The following MAMLD1 variants were observed in gnomAD, a reference collection of about 807,000 sequenced individuals.
MAMLD1 encodes mastermind-like domain-containing protein 1.
Under a neutral mutation model 45.0 loss-of-function variants are expected in MAMLD1, and 14 were observed. The observed-to-expected ratio is 0.31, with a 90% CI of 0.21 to 0.49. The LOEUF is 0.49. MAMLD1 is among the 20% of genes least tolerant of loss of function. The pLI, the probability that MAMLD1 is intolerant of heterozygous loss-of-function variation, is 0.99. For synonymous variants in MAMLD1, 254 were observed against 247.8 expected, an observed-to-expected ratio of 1.02 and a Z score of -0.24; for missense variants, 543 against 603.6, an observed-to-expected ratio of 0.90 and a Z score of 1.05.
intron 1 of MAMLD1, among the ~76,000 whole-genome samples, chrX:150,418,313 T>G (rs1370203668): frequency 5.4e-5 from 6 of 111,175 alleles, no homozygotes. Flanking sequence ...ATTGCGTCTA[T>G]TTGATTCTTC....
In MAMLD1 at chrX:150,408,967, A is replaced by T. The variant is rs1557402746; in HGVS notation, c.-63-36487A>T. On this transcript the variant is annotated intron_variant, in intron 1 of 7. Coordinates refer to ENST00000370401, the MANE Select transcript of MAMLD1 (RefSeq NM_005491.5). ...AAAACTTAAAGCTATGAAGATGTGG[A>T]ATCTGGCGGAGAAGAATGGCTATAG... Among the ~76,000 whole-genome samples the T allele has an allele frequency of 2.6e-3, 290 of 111,857 alleles. 3 individuals are homozygous for T. Among genetic ancestry groups the T allele is most frequent in the African/African-American group, 9.1e-3 (281 of 30,784 alleles).
At chrX:150,504,602 G>A (rs1253933536) in intron 6 of MAMLD1, 23 of 535,379 alleles carry the variant, frequency 4.3e-5, no homozygotes, top group Non-Finnish European at 5.2e-5. Context: ...TTAGCAAAAC[G>A]GACGTCGTCC....
At chrX:150,369,654 C>T (rs1459803403) in intron 1 of MAMLD1, among the ~76,000 whole-genome samples, 2 of 111,951 alleles carry the variant, frequency 1.8e-5, no homozygotes, top group African/African-American at 3.3e-5. Context: ...ATACAGATAA[C>T]GGGATCTAAA....
At chrX:150,375,591 G>C (rs2032273622) in intron 1 of MAMLD1, among the ~76,000 whole-genome samples, 1 of 112,728 alleles carries the variant, frequency 8.9e-6, no homozygotes, top group African/African-American at 3.2e-5. Context: ...TTTAGAAAGA[G>C]AGAACTGTTT....
chrX:150,436,464 G>A (rs1557404290), intron 1 of MAMLD1, among the ~76,000 whole-genome samples: 1 of 111,705 alleles, frequency 9.0e-6, no homozygotes, highest in African/African-American at 3.3e-5. Context: ...ATTTCAAAGA[G>A]CCAGTCTTCA....
intron 1 of MAMLD1, among the ~76,000 whole-genome samples, chrX:150,373,466 TCACA>T (rs368567940): frequency 0.017 from 1,740 of 103,002 alleles, 41 homozygotes; most frequent in African/African-American, 0.057. Flanking sequence ...TCTCTCTCTC[TCACA>T]CACACACACA....
At chrX:150,443,342 C>CT (rs1787414144) in intron 1 of MAMLD1, among the ~76,000 whole-genome samples, 1 of 105,912 alleles carries the variant, frequency 9.4e-6, no homozygotes, top group African/African-American at 3.4e-5. Context: ...TCTATGTTTA[C>CT]TTTTTTTTCC....
intron 1 of MAMLD1, among the ~76,000 whole-genome samples, chrX:150,394,913 G>C (rs2033356832): frequency 9.0e-6 from 1 of 111,435 alleles, no homozygotes; most frequent in Non-Finnish European, 1.9e-5. Context: ...TTCCCAATGG[G>C]TGTACCTTTT....
Position 150,466,131 on chromosome X carries a change from C to G in MAMLD1, c.171+3285C>G, listed in dbSNP as rs782698723. On this transcript the variant is annotated intron_variant, in intron 3 of 7. Transcript: ENST00000370401. ...CTCGCAGTTGAGATGAGTAACAGAT[C>G]ATGGGACTGTGAAAGAGAAGACACG... Among the ~76,000 whole-genome samples the G allele has an allele frequency of 3.5e-5, 4 of 112,710 alleles. No homozygotes were observed. The Middle Eastern group carries it at 0.014, about 386-fold the overall frequency.
intron 1 of MAMLD1, among the ~76,000 whole-genome samples, chrX:150,364,374 C>A (rs1201358643): frequency 1.8e-5 from 2 of 113,258 alleles, no homozygotes; most frequent in African/African-American, 6.4e-5. Flanking sequence ...TGATTAAATT[C>A]GGACTGAGCA....
chrX:150,479,802 C>T (rs1164013336), intron 5 of MAMLD1, among the ~76,000 whole-genome samples: 1 of 112,153 alleles, frequency 8.9e-6, no homozygotes, highest in African/African-American at 3.2e-5. Context: ...CGCTCTACTA[C>T]TACTATGTCC....
chrX:150,510,396 C>T (rs367646973), intron 7 of MAMLD1, among the ~76,000 whole-genome samples: 8 of 111,622 alleles, frequency 7.2e-5, no homozygotes, highest in Non-Finnish European at 1.1e-4. Flanking sequence ...TTCTCCCACA[C>T]GCACATTCAC....
At chrX:150,362,161 G>A (rs2031031881), upstream of MAMLD1, among the ~76,000 whole-genome samples, 1 of 112,132 alleles carries the variant, frequency 8.9e-6, no homozygotes, top group African/African-American at 3.2e-5. Context: ...GCGCGAGCTG[G>A]TGAGCGGATG....
At position 150,503,499 on chromosome X, in the gene MAMLD1, C is replaced by G; in HGVS notation, c.2266C>G (p.Pro756Ala). The change falls in exon 6 of 8, where the codon CCT becomes GCT. Residue 756 changes from proline to alanine, a missense_variant. Coordinates refer to ENST00000370401, the MANE Select transcript of MAMLD1 (RefSeq NM_005491.5). ...GAGGCAGGTGCCCGCTCCACTACTG[C>G]CTAGCTGCGACGCCACAGGTAAGTC... ...AWRQVPAPLLPSCDATARGTE... is the reference protein window; with the variant it reads ...AWRQVPAPLLASCDATARGTE... The G allele has an allele frequency of 1.7e-6, 2 of 1,150,092 alleles. No individual in the cohort carries two copies. The highest frequency in any genetic ancestry group is 2.4e-6 in the Non-Finnish European group (2 of 843,002). The allele number at this position is 1,150,092 out of a possible 1,213,427, so 94.8% of individuals were successfully genotyped here.
intron 5 of MAMLD1, among the ~76,000 whole-genome samples, chrX:150,482,019 AG>A (rs2036825609): frequency 9.2e-6 from 1 of 109,143 alleles, no homozygotes; most frequent in African/African-American, 3.4e-5. Context: ...AAAGAAAGAA[AG>A]AAAGAAAGAA....
At chrX:150,406,983 A>G (rs2034014238) in intron 1 of MAMLD1, among the ~76,000 whole-genome samples, 1 of 110,871 alleles carries the variant, frequency 9.0e-6, no homozygotes, top group Admixed American at 9.6e-5. Context: ...GCCATTCCGG[A>G]ACTCAAACAT....
In MAMLD1 at chrX:150,513,410, C is replaced by T. The variant is rs6653446; in HGVS notation, c.*1451C>T. 344 of 307,039 alleles carry T rather than the reference C, an allele frequency of 1.1e-3. 3 individuals are homozygous for T. The highest frequency in any genetic ancestry group is 6.6e-3 in the African/African-American group (244 of 37,101). 25.3% of individuals were successfully genotyped at this position (307,039 alleles called of 1,213,427 possible). On this transcript the variant is annotated 3_prime_UTR_variant, in exon 8 of 8. Coordinates refer to ENST00000370401, the MANE Select transcript of MAMLD1 (RefSeq NM_005491.5). ...TATACAATGTTACAAATATGCAGAC[C>T]GTGTTGTTTGCTCCAGTGATACCTT...
chrX:150,469,640 T>G (rs1157815709), intron 3 of MAMLD1, 105 bp from the exon 4 acceptor site: 2 of 508,651 alleles, frequency 3.9e-6, no homozygotes, highest in Non-Finnish European at 6.3e-6. Flanking sequence ...TCTCTGTCTC[T>G]CTCTCTCTCT....
intron 4 of MAMLD1, among the ~76,000 whole-genome samples, chrX:150,472,634 A>G (rs2036464312): frequency 1.8e-5 from 2 of 112,385 alleles, no homozygotes; most frequent in Admixed American, 9.4e-5. Context: ...CTGAGTGAGC[A>G]TGAGAGAGTG....
Sources: allele counts gnomAD v4.1 joint callset (sites outside exome capture counted in the v4.1 genomes callset), GRCh38; gene constraint gnomAD v4.1.1; transcripts MANE v1.5; gene names NCBI Gene and HGNC (gene_info 2026-07-23, HGNC 2026-07-21).